The following NALF1 variants were observed in gnomAD, a reference collection of about 807,000 sequenced individuals.
NALF1 encodes the protein NALCN channel auxiliary factor 1.
Under a neutral mutation model 48.4 loss-of-function variants are expected in NALF1, and 3 were observed. That is an observed-to-expected ratio of 0.06 (90% CI 0.03 to 0.16). The LOEUF (loss-of-function observed/expected upper bound fraction) is 0.16, where lower values mean the gene tolerates loss of function less well. Among genes scored for constraint, NALF1 ranks in the 10% least tolerant of loss-of-function variants. NALF1 has a pLI of 1.00. For synonymous variants in NALF1, 262 were observed against 245.7 expected, an observed-to-expected ratio of 1.07 and a Z score of -0.62; for missense variants, 526 against 571.5, an observed-to-expected ratio of 0.92 and a Z score of 0.81.
At chr13:107,508,368 G>T (rs904326154) in intron 1 of NALF1, among the ~76,000 whole-genome samples, 14 of 150,752 alleles carry the variant, frequency 9.3e-5, no homozygotes, top group Admixed American at 2.0e-4. Context: ...GTATATTAAT[G>T]ACATTAATAT....
intron 1 of NALF1, among the ~76,000 whole-genome samples, chr13:107,667,769 A>G (rs1880896822): frequency 6.6e-6 from 1 of 152,138 alleles, no homozygotes; most frequent in Non-Finnish European, 1.5e-5. Flanking sequence ...TTAAATCCCT[A>G]CAAAACATTT....
intron 1 of NALF1, among the ~76,000 whole-genome samples, chr13:107,825,422 A>C (rs550333754): frequency 6.6e-6 from 1 of 152,220 alleles, no homozygotes; most frequent in Non-Finnish European, 1.5e-5. Context: ...ATGCTCATTC[A>C]CTTTTAAAGA....
At chr13:107,447,057 A>C (rs1474976864) in intron 1 of NALF1, among the ~76,000 whole-genome samples, 1 of 152,270 alleles carries the variant, frequency 6.6e-6, no homozygotes, top group African/African-American at 2.4e-5. Flanking sequence ...TGGGATTTGC[A>C]TTTGAAAAAG....
chr13:107,715,293 C>T (rs940345234), intron 1 of NALF1, among the ~76,000 whole-genome samples: 1 of 151,884 alleles, frequency 6.6e-6, no homozygotes, highest in African/African-American at 2.4e-5. Flanking sequence ...ACCTCCGCCT[C>T]CCGGGTTGAA....
At chr13:107,358,010 T>A (rs1489356661) in intron 1 of NALF1, among the ~76,000 whole-genome samples, 1 of 152,088 alleles carries the variant, frequency 6.6e-6, no homozygotes, top group South Asian at 2.1e-4. Context: ...ATATTTGCAA[T>A]AAATAAATGA....
intron 1 of NALF1, among the ~76,000 whole-genome samples, chr13:107,460,523 C>T (rs1208269838): frequency 6.6e-6 from 1 of 152,176 alleles, no homozygotes; most frequent in Non-Finnish European, 1.5e-5. Context: ...TCCTGGGCAT[C>T]AAATTCAATT....
At chr13:107,722,417 T>C (rs1039983369) in intron 1 of NALF1, among the ~76,000 whole-genome samples, 9 of 152,104 alleles carry the variant, frequency 5.9e-5, no homozygotes, top group South Asian at 2.1e-4. Flanking sequence ...AACTGGATGA[T>C]TGATGGTTCA....
Position 107,299,468 on chromosome 13 carries a change from T to TAATAATAATAATA in NALF1, c.916-88714_916-88713insTATTATTATTATT, listed in dbSNP as rs1330450182. On this transcript the variant is annotated intron_variant, in intron 1 of 2. Transcript: ENST00000375915. ...ATAATAATAATAATAATAATAATAA[T>TAATAATAATAATA]AATAAATAAATAAATAAATAAAAAA... Among the ~76,000 whole-genome samples, 212 of 59,200 alleles carry TAATAATAATAATA rather than the reference T, an allele frequency of 3.6e-3. 1 individual carries two copies. The highest frequency in any genetic ancestry group is 9.3e-3 in the East Asian group (20 of 2,160). The allele number at this position is 59,200 out of a possible 152,430, so 38.8% of individuals were successfully genotyped here. A position where few individuals can be genotyped will look rare whatever the true frequency, so the allele number is the denominator to read the frequency against.
At chr13:107,712,566 C>T (rs913446576) in intron 1 of NALF1, among the ~76,000 whole-genome samples, 9 of 152,278 alleles carry the variant, frequency 5.9e-5, no homozygotes, top group African/African-American at 1.2e-4. Context: ...GAAGAGACAG[C>T]ATGGGGTCAC....
intron 1 of NALF1, among the ~76,000 whole-genome samples, chr13:107,470,039 G>A (rs983920418): frequency 1.3e-5 from 2 of 151,976 alleles, no homozygotes; most frequent in African/African-American, 2.4e-5. Flanking sequence ...CACCACGCCC[G>A]ACCAACTATG....
At chr13:107,665,258 A>T (rs970967672) in intron 1 of NALF1, among the ~76,000 whole-genome samples, 2 of 152,170 alleles carry the variant, frequency 1.3e-5, no homozygotes, top group Admixed American at 6.6e-5. Context: ...TACATGTAAT[A>T]TTTAAAGGGA....
At chr13:107,559,742 T>C (rs1877589285) in intron 1 of NALF1, among the ~76,000 whole-genome samples, 1 of 152,240 alleles carries the variant, frequency 6.6e-6, no homozygotes, top group South Asian at 2.1e-4. Context: ...GCTATTTGAA[T>C]GTACACTCAC....
intron 1 of NALF1, among the ~76,000 whole-genome samples, chr13:107,335,373 C>A (rs565067219): frequency 1.3e-5 from 2 of 152,166 alleles, no homozygotes; most frequent in Non-Finnish European, 2.9e-5. Flanking sequence ...ATTATCTGTA[C>A]TGCAAATAAA....
At chr13:107,766,376 T>C (rs1266690284) in intron 1 of NALF1, among the ~76,000 whole-genome samples, 1 of 152,222 alleles carries the variant, frequency 6.6e-6, no homozygotes, top group Admixed American at 6.5e-5. Flanking sequence ...AGAAACATTT[T>C]TTTTAATCAA....
At chr13:107,358,008 A>T (rs1882992401) in intron 1 of NALF1, among the ~76,000 whole-genome samples, 1 of 152,176 alleles carries the variant, frequency 6.6e-6, no homozygotes, top group Non-Finnish European at 1.5e-5. Flanking sequence ...ATATATTTGC[A>T]ATAAATAAAT....
chr13:107,435,779 G>A (rs1337751509), intron 1 of NALF1, among the ~76,000 whole-genome samples: 1 of 151,532 alleles, frequency 6.6e-6, no homozygotes, highest in Non-Finnish European at 1.5e-5. Context: ...AGAATTAAGG[G>A]GGAAGGAAAG....
At chr13:107,233,144 G>T (rs761967395) in intron 1 of NALF1, among the ~76,000 whole-genome samples, 16 of 152,170 alleles carry the variant, frequency 1.1e-4, no homozygotes, top group Non-Finnish European at 7.3e-5. Context: ...CAGTTAAGTT[G>T]AAAAGGGATC....
intron 1 of NALF1, among the ~76,000 whole-genome samples, chr13:107,500,420 G>T (rs1204376624): frequency 6.6e-6 from 1 of 151,946 alleles, no homozygotes; most frequent in Non-Finnish European, 1.5e-5. Context: ...TCTCACATCA[G>T]TTAGAATGGC....
At chr13:107,759,488 G>T (rs117487499) in intron 1 of NALF1, among the ~76,000 whole-genome samples, 1 of 152,112 alleles carries the variant, frequency 6.6e-6, no homozygotes, top group East Asian at 1.9e-4. Context: ...GATTACAGGC[G>T]TGGGCCACCG....
Sources: gnomAD v4.1 joint callset for allele counts (sites outside exome capture counted in the v4.1 genomes callset) on GRCh38, gnomAD v4.1.1 for gene constraint, MANE v1.5 for transcripts, NCBI Gene and HGNC (gene_info 2026-07-23, HGNC 2026-07-21) for gene names.